NPAS3: variants seen among roughly 807,000 people sequenced by gnomAD.
NPAS3 encodes the protein neuronal PAS domain-containing protein 3.
NPAS3 carries 14 observed loss-of-function variants against 73.1 expected under a neutral mutation model. The observed-to-expected ratio is 0.19, with a 90% CI of 0.13 to 0.30. The LOEUF (loss-of-function observed/expected upper bound fraction) is 0.30. Among genes scored for constraint, NPAS3 ranks in the 10% least tolerant of loss-of-function variants. NPAS3 has a pLI of 1.00. For synonymous variants in NPAS3, 620 were observed against 541.5 expected, an observed-to-expected ratio of 1.14 and a Z score of -2.01; for missense variants, 1,096 against 1,250.0, an observed-to-expected ratio of 0.88 and a Z score of 1.86.
At chr14:33,747,903 A>G (rs2061852132) in intron 7 of NPAS3, among the ~76,000 whole-genome samples, 1 of 152,074 alleles carries the variant, frequency 6.6e-6, no homozygotes, top group Non-Finnish European at 1.5e-5. Context: ...TCACCTCCCC[A>G]TCTACAATAT....
chr14:33,307,593 A>ATTGTGTGTGTGTGTGTGTG (rs1555371662), intron 3 of NPAS3, among the ~76,000 whole-genome samples: 1 of 138,950 alleles, frequency 7.2e-6, no homozygotes, highest in Non-Finnish European at 1.5e-5. Context: ...TTTTTTTTCA[A>ATTGTGTGTGTGTGTGTGTG]TGTGTGTGTG....
At chr14:33,724,803 T>C (rs1040038594) in intron 6 of NPAS3, among the ~76,000 whole-genome samples, 1 of 152,054 alleles carries the variant, frequency 6.6e-6, no homozygotes, top group Admixed American at 6.6e-5. Flanking sequence ...CCATTAAATA[T>C]TACTGATAGA....
intron 3 of NPAS3, among the ~76,000 whole-genome samples, chr14:33,269,936 A>G (rs944008046): frequency 9.9e-5 from 15 of 152,108 alleles, no homozygotes; most frequent in African/African-American, 3.6e-4. Flanking sequence ...TTGGGGTCTG[A>G]TTCTCTGGAA....
chr14:33,050,987 A>G (rs2040681651), intron 1 of NPAS3, among the ~76,000 whole-genome samples: 1 of 152,222 alleles, frequency 6.6e-6, no homozygotes, highest in South Asian at 2.1e-4. Context: ...AAAAGAGACT[A>G]AAGAAGGCCG....
At chr14:33,733,683 GAA>G (rs1434546229) in intron 6 of NPAS3, among the ~76,000 whole-genome samples, 1 of 152,042 alleles carries the variant, frequency 6.6e-6, no homozygotes, top group Non-Finnish European at 1.5e-5. Flanking sequence ...CAGAAGAAAT[GAA>G]AGTACTAAAT....
intron 4 of NPAS3, among the ~76,000 whole-genome samples, chr14:33,397,365 T>C (rs1483594137): frequency 6.6e-6 from 1 of 152,104 alleles, no homozygotes. Context: ...ATTATTTCTG[T>C]TATTTATATG....
chr14:33,469,287 G>A (rs187026801), intron 4 of NPAS3, among the ~76,000 whole-genome samples: 86 of 141,484 alleles, frequency 6.1e-4, no homozygotes, highest in African/African-American at 2.3e-3. Flanking sequence ...CAATAAAGAG[G>A]AAGTTTTCTT....
At chr14:33,077,013 C>T (rs193088857) in intron 2 of NPAS3, among the ~76,000 whole-genome samples, 50 of 152,222 alleles carry the variant, frequency 3.3e-4, no homozygotes, top group African/African-American at 1.1e-3. Context: ...GAGCACCTAC[C>T]AGGTACCAGG....
At chr14:33,280,662 C>T (rs538659237) in intron 3 of NPAS3, among the ~76,000 whole-genome samples, 9 of 152,252 alleles carry the variant, frequency 5.9e-5, no homozygotes, top group African/African-American at 1.9e-4. Flanking sequence ...GGTGTTCCTA[C>T]TGGGCCAATA....
intron 3 of NPAS3, among the ~76,000 whole-genome samples, chr14:33,357,882 G>A (rs2140374849): frequency 1.3e-5 from 2 of 152,282 alleles, no homozygotes; most frequent in Admixed American, 1.3e-4. Flanking sequence ...TTGACAGAAT[G>A]AGAAATTGAG....
At chr14:33,274,772 G>GC (rs1191548150) in intron 3 of NPAS3, among the ~76,000 whole-genome samples, 15 of 152,096 alleles carry the variant, frequency 9.9e-5, no homozygotes, top group African/African-American at 3.1e-4. Flanking sequence ...TGGAATTTAG[G>GC]CCTCCTGCTT....
chr14:33,294,963 C>T (rs1020881204), intron 3 of NPAS3, among the ~76,000 whole-genome samples: 7 of 152,006 alleles, frequency 4.6e-5, no homozygotes, highest in Non-Finnish European at 7.4e-5. Context: ...CTGTGGTGTT[C>T]GGGATCTTGC....
chr14:32,990,860 G>A (rs1431074930), intron 1 of NPAS3, among the ~76,000 whole-genome samples: 2 of 151,822 alleles, frequency 1.3e-5, no homozygotes, highest in Non-Finnish European at 2.9e-5. Context: ...CCAGGAGGTT[G>A]AGGCTGCAGT....
intron 2 of NPAS3, among the ~76,000 whole-genome samples, chr14:33,125,887 A>G (rs985473073): frequency 3.3e-5 from 5 of 152,200 alleles, no homozygotes; most frequent in African/African-American, 1.2e-4. Flanking sequence ...GTTAAATAGC[A>G]TAAAGGAATT....
At chr14:33,135,916 T>C (rs2043813870) in intron 2 of NPAS3, among the ~76,000 whole-genome samples, 1 of 152,162 alleles carries the variant, frequency 6.6e-6, no homozygotes, top group South Asian at 2.1e-4. Flanking sequence ...ATAGACCTCA[T>C]GTAATTGGAA....
rs111569348 is a variant in NPAS3 at position 33,769,009 on chromosome 14, G to C, written c.853-5328G>C. ...AATGGAATTGTGGATGGAGAAAAAG[G>C]GTGCTTAAGAGCTTTCAGAAAAGTG... is the stretch of plus-strand genomic sequence containing the variant. On this transcript the variant is annotated intron_variant, in intron 7 of 11. Coordinates refer to ENST00000356141, the Ensembl canonical transcript of NPAS3. 5.2e-3 allele frequency among the ~76,000 whole-genome samples: 795 copies of C among 152,182 alleles called. 6 individuals are homozygous for C. The highest frequency in any genetic ancestry group is 0.018 in the African/African-American group (763 of 41,514).
intron 5 of NPAS3, chr14:33,578,154 C>G (rs1016692282): frequency 2.2e-5 from 10 of 455,906 alleles, no homozygotes; most frequent in African/African-American, 1.8e-4. Context: ...ACTTTGCCTC[C>G]TTCTCTCTTC....
chr14:33,353,132 T>G (rs371598046), intron 3 of NPAS3, among the ~76,000 whole-genome samples: 1 of 148,392 alleles, frequency 6.7e-6, no homozygotes, highest in Non-Finnish European at 1.5e-5. Flanking sequence ...TCAACCTCAG[T>G]GATGATGGAG....
chr14:33,021,212 A>C (rs1049875266), intron 1 of NPAS3, among the ~76,000 whole-genome samples: 14 of 152,174 alleles, frequency 9.2e-5, no homozygotes, highest in African/African-American at 3.4e-4. Context: ...TCATCATCAT[A>C]ATCATCATCA....
Sources: gnomAD v4.1 joint callset for allele counts (sites outside exome capture counted in the v4.1 genomes callset) on GRCh38, gnomAD v4.1.1 for gene constraint, MANE v1.5 for transcripts, NCBI Gene and HGNC (gene_info 2026-07-23, HGNC 2026-07-21) for gene names.